PPP4R4: variants seen among roughly 807,000 people sequenced by gnomAD.
The protein encoded by PPP4R4 is protein phosphatase 4 regulatory subunit 4.
In PPP4R4, 70 loss-of-function variants were observed where a neutral mutation model predicts 121.8. The ratio of observed to expected loss-of-function variants is 0.57; its 90% CI spans 0.47 to 0.70. The LOEUF is 0.70. Among genes scored for constraint, PPP4R4 ranks in the 30% least tolerant of loss-of-function variants. The pLI, the probability that PPP4R4 is intolerant of heterozygous loss-of-function variation, is 0.00. For synonymous variants in PPP4R4, 348 were observed against 355.7 expected (o/e 0.98, Z 0.24); for missense variants, 875 against 1,033.6 (o/e 0.85, Z 2.10).
At chr14:94,267,134 C>A in intron 23 of PPP4R4, 105 bp downstream of exon 23, 1 of 692,922 alleles carries the variant, frequency 1.4e-6, no homozygotes, top group Non-Finnish European at 2.3e-6. Flanking sequence ...TTTCTTAAAT[C>A]TAAATCTTTA....
chr14:94,174,364 C>T lies in PPP4R4; in HGVS notation c.-102C>T. On this transcript the variant is annotated 5_prime_UTR_variant, in exon 1 of 25. Coordinates refer to ENST00000304338, the MANE Select transcript of PPP4R4 (RefSeq NM_058237.2). ...GCAGCCTCACGCTCGGCTCCAGCGG[C>T]CAAGAGCCGGAGAAAGTCCTGCTGG... 1 of 1,101,044 alleles carries T rather than the reference C, an allele frequency of 9.1e-7. No individual in the cohort carries two copies. Among genetic ancestry groups the T allele is most frequent in the Non-Finnish European group, 1.2e-6 (1 of 850,698 alleles). The allele number at this position is 1,101,044 out of a possible 1,614,324, so 68.2% of individuals were successfully genotyped here. A position where few individuals can be genotyped will look rare whatever the true frequency, so the allele number is the denominator to read the frequency against.
At chr14:94,197,241 C>A (rs1889924421) in intron 2 of PPP4R4, among the ~76,000 whole-genome samples, 3 of 152,082 alleles carry the variant, frequency 2.0e-5, no homozygotes, top group Admixed American at 2.0e-4. Flanking sequence ...GATAAGACTG[C>A]TTGGTCCTCT....
At chr14:94,199,708 C>T (rs1478699701) in intron 2 of PPP4R4, among the ~76,000 whole-genome samples, 3 of 152,148 alleles carry the variant, frequency 2.0e-5, no homozygotes, top group South Asian at 2.1e-4. Flanking sequence ...CCCGCGCTCT[C>T]CTCTGACTGC....
intron 2 of PPP4R4, among the ~76,000 whole-genome samples, chr14:94,184,774 A>G (rs1037702361): frequency 2.6e-5 from 4 of 152,358 alleles, no homozygotes; most frequent in South Asian, 4.1e-4. Flanking sequence ...TAATATTGGT[A>G]TATGGTAATC....
At position 94,230,581 on chromosome 14, in the gene PPP4R4, A is replaced by G. The variant is rs955622748; in HGVS notation, c.295-6A>G. The G allele has an allele frequency of 6.2e-7, 1 of 1,606,748 alleles. No individual in the cohort carries two copies. The highest frequency in any genetic ancestry group is 1.3e-5 in the African/African-American group (1 of 74,662). ...TGTAAATAGCAAACTCTTTCTGATT[A>G]TACAGGAAGCCCTGCATGTTGCAGG... On this transcript the variant is annotated splice_polypyrimidine_tract_variant and splice_region_variant and intron_variant, in intron 3 of 24. Transcript: ENST00000304338.
At chr14:94,245,852 A>T (rs1387235879) in intron 13 of PPP4R4, among the ~76,000 whole-genome samples, 182 bp downstream of exon 13, 3 of 152,178 alleles carry the variant, frequency 2.0e-5, no homozygotes, top group Admixed American at 6.5e-5. Flanking sequence ...TCTTTCTTAC[A>T]TTAATAATTT....
At chr14:94,221,149 G>A (rs1045991631) in intron 3 of PPP4R4, among the ~76,000 whole-genome samples, 1 of 152,118 alleles carries the variant, frequency 6.6e-6, no homozygotes, top group South Asian at 2.1e-4. Context: ...AGAGAGGATA[G>A]ACTTTTCAAC....
chr14:94,245,496 A>G (rs1042747263), intron 12 of PPP4R4, 91 bp from the exon 13 acceptor site: 1 of 584,196 alleles, frequency 1.7e-6, no homozygotes, highest in Non-Finnish European at 2.8e-6. Context: ...AAAAAAAAAA[A>G]CCACTACTAC....
At chr14:94,227,052 T>G (rs1891751496) in intron 3 of PPP4R4, among the ~76,000 whole-genome samples, 2 of 152,192 alleles carry the variant, frequency 1.3e-5, no homozygotes, top group South Asian at 4.1e-4. Flanking sequence ...CTTGCACCAC[T>G]CATGTTAACT....
chr14:94,175,768 A>C, intron 1 of PPP4R4: 1 of 446,228 alleles, frequency 2.2e-6, no homozygotes, highest in Non-Finnish European at 4.1e-6. Context: ...AATGGATTTC[A>C]GCCAAGGTTC....
chr14:94,250,298 A>C lies in PPP4R4; in HGVS notation c.1717+21A>C, dbSNP rs116285657. On this transcript the variant is annotated intron_variant, in intron 15 of 24. Coordinates refer to ENST00000304338, the MANE Select transcript of PPP4R4 (RefSeq NM_058237.2). Reference sequence around the variant, plus strand: ...TGAACGTAAGTAATCATTGTCTACTATTTTGAAAAAGGAAAGTAAACAAAC... The same window carrying C: ...TGAACGTAAGTAATCATTGTCTACTCTTTTGAAAAAGGAAAGTAAACAAAC... 2.6e-4 allele frequency: 404 copies of C among 1,528,350 alleles called. 1 individual carries two copies. In the African/African-American group the frequency reaches 5.1e-3, roughly 19 times the overall value. The allele number at this position is 1,528,350 out of a possible 1,614,324, so 94.7% of individuals were successfully genotyped here.
At chr14:94,195,318 G>A (rs936700679) in intron 2 of PPP4R4, among the ~76,000 whole-genome samples, 4 of 152,258 alleles carry the variant, frequency 2.6e-5, no homozygotes, top group South Asian at 4.1e-4. Flanking sequence ...GAATCTCTGG[G>A]GGTGGGACCC....
intron 2 of PPP4R4, among the ~76,000 whole-genome samples, chr14:94,206,086 G>A (rs528977441): frequency 3.3e-5 from 5 of 151,862 alleles, no homozygotes; most frequent in South Asian, 2.1e-4. Context: ...CTGCACCTGT[G>A]TATTTTTGTC....
At chr14:94,250,384 T>C in intron 15 of PPP4R4, 107 bp downstream of exon 15, 1 of 697,804 alleles carries the variant, frequency 1.4e-6, no homozygotes, top group Non-Finnish European at 2.4e-6. Context: ...TAGGTTACTA[T>C]TGGGTTTTAT....
intron 21 of PPP4R4, 112 bp from the exon 22 acceptor site, chr14:94,265,682 G>T (rs778199352): frequency 5.5e-6 from 5 of 901,156 alleles, no homozygotes; most frequent in Non-Finnish European, 8.6e-6. Flanking sequence ...AGGAAAAAAG[G>T]CTAAAGCCAT....
rs542521593 is a variant in PPP4R4 at position 94,235,893 on chromosome 14, C to A, written c.731+1224C>A. 3.3e-5 allele frequency among the ~76,000 whole-genome samples: 5 copies of A among 152,306 alleles called. 1 individual carries two copies. The highest frequency in any genetic ancestry group is 3.3e-4 in the Admixed American group (5 of 15,300). On this transcript the variant is annotated intron_variant, in intron 7 of 24. Coordinates refer to ENST00000304338, the MANE Select transcript of PPP4R4 (RefSeq NM_058237.2). The stretch of plus-strand genomic sequence containing the variant: ...TGGTACAAAAATCATTGGAACCTCT[C>A]ATTTTTAGCAGAAGTTGCACTGATT...
At chr14:94,242,529 TAAA>T in intron 11 of PPP4R4, 121 bp downstream of exon 11, 1 of 993,800 alleles carries the variant, frequency 1.0e-6, no homozygotes, top group South Asian at 2.3e-5. Context: ...GTTCTAGTCT[TAAA>T]TCTTGTTTAA....
chr14:94,221,327 T>G (rs1891377233), intron 3 of PPP4R4, among the ~76,000 whole-genome samples: 1 of 152,174 alleles, frequency 6.6e-6, no homozygotes, highest in South Asian at 2.1e-4. Flanking sequence ...TTCTTACATA[T>G]GACTCTAGAA....
chr14:94,222,910 C>G (rs1039893207), intron 3 of PPP4R4, among the ~76,000 whole-genome samples: 19 of 151,916 alleles, frequency 1.3e-4, no homozygotes, highest in African/African-American at 3.9e-4. Flanking sequence ...TTTCCATGTC[C>G]TTTATCTTCT....
Sources: gnomAD v4.1 joint callset for allele counts (sites outside exome capture counted in the v4.1 genomes callset) on GRCh38, gnomAD v4.1.1 for gene constraint, MANE v1.5 for transcripts, NCBI Gene and HGNC (gene_info 2026-07-23, HGNC 2026-07-21) for gene names.